Variants in ADCY2 observed in about 807,000 individuals in gnomAD.
The protein encoded by ADCY2 is adenylate cyclase type 2.
Under a neutral mutation model 125.2 loss-of-function variants are expected in ADCY2, and 31 were observed. The ratio of observed to expected loss-of-function variants is 0.25; its 90% CI spans 0.19 to 0.33. The LOEUF is 0.33. ADCY2 is among the 10% of genes least tolerant of loss of function. The pLI, the probability that ADCY2 is intolerant of heterozygous loss-of-function variation, is 1.00. For synonymous variants in ADCY2, 512 were observed against 548.4 expected, an observed-to-expected ratio of 0.93 and a Z score of 0.93; for missense variants, 904 against 1,418.2, an observed-to-expected ratio of 0.64 and a Z score of 5.82.
At chr5:7,602,649 G>T (rs963298991) in intron 3 of ADCY2, among the ~76,000 whole-genome samples, 8 of 152,042 alleles carry the variant, frequency 5.3e-5, no homozygotes, top group African/African-American at 1.9e-4. Context: ...TTCTCAGGTT[G>T]GTCTGAATTC....
At chr5:7,536,679 T>G (rs992349391) in intron 3 of ADCY2, among the ~76,000 whole-genome samples, 3 of 152,212 alleles carry the variant, frequency 2.0e-5, no homozygotes, top group Admixed American at 6.5e-5. Context: ...GGAGTTTACC[T>G]TTACCTACTT....
chr5:7,660,311 A>G (rs1356038184), intron 4 of ADCY2, among the ~76,000 whole-genome samples: 1 of 144,228 alleles, frequency 6.9e-6, no homozygotes, highest in African/African-American at 2.6e-5. Flanking sequence ...ACTGTGAGAA[A>G]GGAAAAGGGA....
intron 2 of ADCY2, among the ~76,000 whole-genome samples, chr5:7,441,849 AG>A (rs1254496746): frequency 6.6e-6 from 1 of 152,176 alleles, no homozygotes; most frequent in African/African-American, 2.4e-5. Flanking sequence ...GCAAAATTGG[AG>A]GCTTCCCAGA....
At chr5:7,665,902 C>T (rs762177230) in intron 4 of ADCY2, among the ~76,000 whole-genome samples, 3 of 122,928 alleles carry the variant, frequency 2.4e-5, no homozygotes, top group East Asian at 2.8e-4. Context: ...GCAGTGGTGC[C>T]ATCTCGGCTC....
intron 3 of ADCY2, among the ~76,000 whole-genome samples, chr5:7,591,907 C>T (rs934707040): frequency 1.3e-5 from 2 of 152,136 alleles, no homozygotes; most frequent in Admixed American, 6.5e-5. Context: ...TTTGGATTTC[C>T]TTGTCTTTGA....
chr5:7,614,267 C>T (rs1364490393), intron 3 of ADCY2, among the ~76,000 whole-genome samples: 1 of 152,054 alleles, frequency 6.6e-6, no homozygotes, highest in Non-Finnish European at 1.5e-5. Flanking sequence ...TTTGGTCAGC[C>T]CTCCTACGAC....
chr5:7,817,055 A>G (rs1745135742), intron 23 of ADCY2, 75 bp downstream of exon 23: 1 of 1,137,828 alleles, frequency 8.8e-7, no homozygotes, highest in East Asian at 2.4e-5. Context: ...GGAGATATTG[A>G]TGATCCTTTC....
chr5:7,823,685 G>A (rs1745373346), intron 24 of ADCY2, among the ~76,000 whole-genome samples: 1 of 152,106 alleles, frequency 6.6e-6, no homozygotes, highest in Admixed American at 6.6e-5. Flanking sequence ...ATATTCCGAC[G>A]ATTTATGGCA....
chr5:7,743,157 ATT>A (rs950732105), intron 14 of ADCY2, among the ~76,000 whole-genome samples: 2 of 152,130 alleles, frequency 1.3e-5, no homozygotes, highest in Non-Finnish European at 2.9e-5. Flanking sequence ...CTCGCTACAC[ATT>A]TTGCTGCATC....
At chr5:7,419,997 T>A (rs1452914906) in intron 2 of ADCY2, among the ~76,000 whole-genome samples, 2 of 152,102 alleles carry the variant, frequency 1.3e-5, no homozygotes, top group East Asian at 3.9e-4. Context: ...GCCCAAGGGG[T>A]CTGCCTCCTG....
chr5:7,792,266 G>A (rs968238855), intron 20 of ADCY2, among the ~76,000 whole-genome samples: 27 of 151,478 alleles, frequency 1.8e-4, no homozygotes, highest in Admixed American at 4.6e-4. Context: ...ATGGTGGCGG[G>A]TGCCTGTAAT....
chr5:7,593,063 A>G (rs1255427512), intron 3 of ADCY2, among the ~76,000 whole-genome samples: 2 of 152,228 alleles, frequency 1.3e-5, no homozygotes, highest in South Asian at 2.1e-4. Context: ...TAAAATGCAC[A>G]TAGGTTTGGG....
At chr5:7,413,849 A>G (rs12109813) in intron 1 of ADCY2, among the ~76,000 whole-genome samples, 5,840 of 152,282 alleles carry the variant, frequency 0.038, 383 homozygotes, top group African/African-American at 0.13. Flanking sequence ...TAAGGAAGAG[A>G]TAAATAAAAA....
intron 4 of ADCY2, among the ~76,000 whole-genome samples, chr5:7,649,615 T>G (rs1739013472): frequency 6.6e-6 from 1 of 152,186 alleles, no homozygotes; most frequent in Non-Finnish European, 1.5e-5. Flanking sequence ...TACCAGGGCT[T>G]AGGTCTCCAG....
intron 4 of ADCY2, among the ~76,000 whole-genome samples, chr5:7,644,094 C>T (rs1738805913): frequency 6.6e-6 from 1 of 152,058 alleles, no homozygotes; most frequent in Non-Finnish European, 1.5e-5. Flanking sequence ...AAATATCTCA[C>T]AAATAGTGTC....
At chr5:7,779,047 G>A (rs572103268) in intron 18 of ADCY2, among the ~76,000 whole-genome samples, 1 of 152,098 alleles carries the variant, frequency 6.6e-6, no homozygotes, top group African/African-American at 2.4e-5. Context: ...CCTGTTTCCT[G>A]CACCCTATGC....
At chr5:7,821,263 A>G (rs1484396212) in intron 24 of ADCY2, among the ~76,000 whole-genome samples, 1 of 152,262 alleles carries the variant, frequency 6.6e-6, no homozygotes. Flanking sequence ...TGCTCATTAA[A>G]TCAATTATAA....
At chr5:7,476,784 A>G (rs1369125670) in intron 2 of ADCY2, among the ~76,000 whole-genome samples, 1 of 152,220 alleles carries the variant, frequency 6.6e-6, no homozygotes, top group Non-Finnish European at 1.5e-5. Context: ...TCCACTGCTC[A>G]CATTATTCTC....
chr5:7,817,752 G>A (rs2126538451), intron 23 of ADCY2, among the ~76,000 whole-genome samples: 1 of 143,724 alleles, frequency 7.0e-6, no homozygotes, highest in South Asian at 2.2e-4. Context: ...GAACCCAAGA[G>A]GTTGAGGCTG....
Sources: allele counts gnomAD v4.1 joint callset (sites outside exome capture counted in the v4.1 genomes callset), GRCh38; gene constraint gnomAD v4.1.1; transcripts MANE v1.5; gene names NCBI Gene and HGNC (gene_info 2026-07-23, HGNC 2026-07-21).